The following WTIP variants were observed in gnomAD, a reference collection of about 807,000 sequenced individuals.
The protein encoded by WTIP is Wilms tumor protein 1-interacting protein.
In WTIP, 23 loss-of-function variants were observed where a neutral mutation model predicts 41.7. That is an observed-to-expected ratio of 0.55 (90% CI 0.40 to 0.78). WTIP has a LOEUF of 0.78. WTIP is among the 30% of genes least tolerant of loss of function. The probability of loss-of-function intolerance (pLI) is 0.00; values close to 1 mark genes in which losing one functional copy is unlikely to be tolerated. For synonymous variants in WTIP, 314 were observed against 269.9 expected, an observed-to-expected ratio of 1.16 and a Z score of -1.60; for missense variants, 619 against 610.5, an observed-to-expected ratio of 1.01 and a Z score of -0.15.
At position 34,510,281 on chromosome 19, in the gene WTIP, C is replaced by T. The variant is rs532539355; in HGVS notation, c.*10012C>T. 3 of 152,360 alleles carry T rather than the reference C, an allele frequency of 2.0e-5. No individual in the cohort carries two copies. In the East Asian group the frequency reaches 5.8e-4, roughly 29 times the overall value. The allele number at this position is 152,360 out of a possible 1,614,324, so 9.4% of individuals were successfully genotyped here. ...TGAAATCTAGATGGAGGTTCCCAAA[C>T]CTCAATTCTTGACTTCTGTACACCC... is the stretch of plus-strand genomic sequence containing the variant. On this transcript the variant is annotated 3_prime_UTR_variant, in exon 8 of 8. Coordinates refer to ENST00000590071, the MANE Select transcript of WTIP (RefSeq NM_001080436.2).
intron 1 of WTIP, among the ~76,000 whole-genome samples, chr19:34,487,657 T>C (rs1417785169): frequency 6.6e-6 from 1 of 152,078 alleles, no homozygotes. Flanking sequence ...CTTTGTTGAC[T>C]GAGGAAAGGC....
chr19:34,499,258 C>T (rs181601823), intron 7 of WTIP, among the ~76,000 whole-genome samples: 34 of 151,578 alleles, frequency 2.2e-4, no homozygotes, highest in Non-Finnish European at 4.6e-4. Context: ...TGCCTGTAAT[C>T]CCAGCATTTT....
Position 34,500,407 on chromosome 19 carries a change from C to T in WTIP, c.*138C>T. Reference sequence around the variant, plus strand: ...CTGCTGTCTGCAGGGGCCGGACCCCCGCGTGGAAGCTTCTATTTATTCACC... The same window carrying T: ...CTGCTGTCTGCAGGGGCCGGACCCCTGCGTGGAAGCTTCTATTTATTCACC... On this transcript the variant is annotated 3_prime_UTR_variant, in exon 8 of 8. Transcript: ENST00000590071. 8.3e-7 allele frequency: 1 copy of T among 1,198,478 alleles called. No individual in the cohort carries two copies. Among genetic ancestry groups the T allele is most frequent in the Non-Finnish European group, 1.1e-6 (1 of 895,818 alleles). The allele number at this position is 1,198,478 out of a possible 1,614,324, so 74.2% of individuals were successfully genotyped here.
At chr19:34,484,712 C>G (rs2145591629) in intron 1 of WTIP, among the ~76,000 whole-genome samples, 1 of 152,108 alleles carries the variant, frequency 6.6e-6, no homozygotes, top group South Asian at 2.1e-4. Context: ...GCTGAGGTCC[C>G]AGGCAGGTAA....
intron 2 of WTIP, among the ~76,000 whole-genome samples, chr19:34,491,618 G>A (rs936614741): frequency 3.3e-5 from 5 of 151,534 alleles, no homozygotes; most frequent in African/African-American, 7.3e-5. Context: ...CACCTTGCCC[G>A]GTAAAATACC....
Position 34,493,761 on chromosome 19 carries a change from G to A in WTIP, c.1031+139G>A. The A allele has an allele frequency of 8.1e-7, 1 of 1,236,318 alleles. No individual in the cohort carries two copies. The highest frequency in any genetic ancestry group is 2.4e-5 in the East Asian group (1 of 42,028). The allele number at this position is 1,236,318 out of a possible 1,614,324, so 76.6% of individuals were successfully genotyped here. On this transcript the variant is annotated intron_variant, in intron 5 of 7. Coordinates refer to ENST00000590071, the MANE Select transcript of WTIP (RefSeq NM_001080436.2). This position sits in a 1 kb window ranked among gnomAD's most constrained non-coding sequence, Gnocchi z 4.1. ...CGCCTCCCCTTGTACACCTGGGCTT[G>A]GGGCAGGCATGTGTCTCTGCCTGCA...
intron 7 of WTIP, among the ~76,000 whole-genome samples, chr19:34,499,080 TG>T (rs375265662): frequency 6.6e-6 from 1 of 152,144 alleles, no homozygotes; most frequent in African/African-American, 2.4e-5. Flanking sequence ...CCGGGCATGG[TG>T]GCACATGTCT....
chr19:34,482,701 C>G (rs1368123336), intron 1 of WTIP, 60 bp downstream of exon 1: 3 of 1,215,362 alleles, frequency 2.5e-6, no homozygotes, highest in South Asian at 4.2e-5. Flanking sequence ...GGTTCCGAGA[C>G]TGCCTCGGGT....
chr19:34,486,235 C>A (rs1042220652), intron 1 of WTIP, among the ~76,000 whole-genome samples: 1 of 152,122 alleles, frequency 6.6e-6, no homozygotes, highest in Non-Finnish European at 1.5e-5. Context: ...TGAGCCCATG[C>A]TTTGACCCCC....
intron 1 of WTIP, among the ~76,000 whole-genome samples, chr19:34,489,462 G>T (rs986588498): frequency 2.0e-5 from 3 of 152,148 alleles, no homozygotes; most frequent in African/African-American, 7.2e-5. Flanking sequence ...GGGTACAGAG[G>T]AGGACAGAGT....
intron 7 of WTIP, among the ~76,000 whole-genome samples, chr19:34,496,890 TCTCA>T (rs1036656419): frequency 3.3e-5 from 5 of 150,566 alleles, no homozygotes; most frequent in African/African-American, 1.2e-4. Context: ...TTGAGATGAG[TCTCA>T]CTCCGTTGCC....
intron 1 of WTIP, among the ~76,000 whole-genome samples, chr19:34,489,397 T>A (rs535118087): frequency 6.6e-6 from 1 of 151,956 alleles, no homozygotes; most frequent in South Asian, 2.1e-4. Flanking sequence ...ACCAAGAGAA[T>A]AAGTGGACCC....
chr19:34,481,982 GCT>G lies in WTIP; in HGVS notation c.10_11del (p.Ser4GlnfsTer154). On this transcript the variant is annotated frameshift_variant, in exon 1 of 8. Transcript: ENST00000590071. LOFTEE classifies it high-confidence loss of function. ...GGGCCGGCGGGCCGGGCCATGCAGC[GCT>G]CCAGGGCGGGCGCGGACGAGGCGGC... 1 of 1,008,730 alleles carries G rather than the reference GCT, an allele frequency of 9.9e-7. No individual in the cohort carries two copies. The highest frequency in any genetic ancestry group is 1.2e-6 in the Non-Finnish European group (1 of 846,600). 62.5% of individuals were successfully genotyped at this position (1,008,730 alleles called of 1,614,324 possible).
At chr19:34,495,826 C>A in intron 7 of WTIP, 55 bp downstream of exon 7, 3 of 1,564,878 alleles carry the variant, frequency 1.9e-6, no homozygotes, top group Non-Finnish European at 2.6e-6. Context: ...TCCCACAGGG[C>A]TCTCCTCTCT....
chr19:34,481,870 T>G lies in WTIP; in HGVS notation c.-105T>G, dbSNP rs996109830. The G allele has an allele frequency of 4.7e-6, 3 of 644,474 alleles. No homozygotes were observed. Among genetic ancestry groups the G allele is most frequent in the Non-Finnish European group, 5.8e-6 (3 of 521,550 alleles). The allele number at this position is 644,474 out of a possible 1,614,324, so 39.9% of individuals were successfully genotyped here. On this transcript the variant is annotated 5_prime_UTR_variant, in exon 1 of 8. Coordinates refer to ENST00000590071, the MANE Select transcript of WTIP (RefSeq NM_001080436.2). ...CCCCGCCCCGCCCCGCGCCCAGGGG[T>G]CCCGGGGCGGGCTCCGGGCTTCGGG... is the stretch of plus-strand genomic sequence containing the variant.
chr19:34,511,477 AAAAC>A lies in WTIP; in HGVS notation c.*11212_*11215del, dbSNP rs146748720. 6 of 152,280 alleles carry A rather than the reference AAAAC, an allele frequency of 3.9e-5. No individual in the cohort carries two copies. The highest frequency in any genetic ancestry group is 1.9e-4 in the East Asian group (1 of 5,180). The allele number at this position is 152,280 out of a possible 1,614,324, so 9.4% of individuals were successfully genotyped here. The stretch of plus-strand genomic sequence containing the variant: ...ATCAGACCCCGTCTCTACAAAAACA[AAAAC>A]AAAATAAAAAAAAGTAGCTACGTGT... On this transcript the variant is annotated 3_prime_UTR_variant, in exon 8 of 8. Coordinates refer to ENST00000590071, the MANE Select transcript of WTIP (RefSeq NM_001080436.2).
chr19:34,507,963 C>T lies in WTIP; in HGVS notation c.*7694C>T, dbSNP rs1201174472. The T allele has an allele frequency of 1.3e-5, 2 of 152,374 alleles. No homozygotes were observed. The highest frequency in any genetic ancestry group is 2.1e-4 in the South Asian group (1 of 4,818). 9.4% of individuals were successfully genotyped at this position (152,374 alleles called of 1,614,324 possible). A position where few individuals can be genotyped will look rare whatever the true frequency, so the allele number is the denominator to read the frequency against. On this transcript the variant is annotated 3_prime_UTR_variant, in exon 8 of 8. Coordinates refer to ENST00000590071, the MANE Select transcript of WTIP (RefSeq NM_001080436.2). Reference sequence around the variant, plus strand: ...CTGACTCCACCTTGGAGCACCTTCCCTTGAGACCCACCAGGCTCTCTTTCA... The same window carrying T: ...CTGACTCCACCTTGGAGCACCTTCCTTTGAGACCCACCAGGCTCTCTTTCA...
chr19:34,483,216 G>T (rs988368288), intron 1 of WTIP, among the ~76,000 whole-genome samples: 2 of 135,864 alleles, frequency 1.5e-5, no homozygotes, highest in African/African-American at 5.5e-5. Context: ...TAGAGACAGA[G>T]TCTCCCTATG....
At chr19:34,495,864 A>G (rs2075850367) in intron 7 of WTIP, 93 bp downstream of exon 7, 1 of 1,339,684 alleles carries the variant, frequency 7.5e-7, no homozygotes, top group African/African-American at 1.4e-5. Flanking sequence ...ACCTTATCAA[A>G]ATTTTAGTTT....
Sources: allele counts gnomAD v4.1 joint callset (sites outside exome capture counted in the v4.1 genomes callset), GRCh38; gene constraint gnomAD v4.1.1; non-coding constraint Gnocchi (gnomAD v3.1); transcripts MANE v1.5; gene names NCBI Gene and HGNC (gene_info 2026-07-23, HGNC 2026-07-21).